Variants in GALNT18 observed in about 807,000 individuals in gnomAD.
GALNT18 encodes the protein polypeptide N-acetylgalactosaminyltransferase 18.
Under a neutral mutation model 69.5 loss-of-function variants are expected in GALNT18, and 44 were observed. The ratio of observed to expected loss-of-function variants is 0.63; its 90% CI spans 0.50 to 0.81. GALNT18 has a LOEUF of 0.81. GALNT18 is among the 40% of genes least tolerant of loss of function. The pLI, the probability that GALNT18 is intolerant of heterozygous loss-of-function variation, is 0.00. For synonymous variants in GALNT18, 364 were observed against 318.2 expected, an observed-to-expected ratio of 1.14 and a Z score of -1.53; for missense variants, 715 against 810.0, an observed-to-expected ratio of 0.88 and a Z score of 1.42.
At position 11,461,581 on chromosome 11, in the gene GALNT18, A is replaced by G. The variant is rs914334728; in HGVS notation, c.236-12645T>C. Among the ~76,000 whole-genome samples the G allele has an allele frequency of 6.6e-5, 10 of 152,168 alleles. No individual in the cohort carries two copies. Among genetic ancestry groups the G allele is most frequent in the Admixed American group, 2.6e-4 (4 of 15,272 alleles). On this transcript the variant is annotated intron_variant, in intron 1 of 10. Transcript: ENST00000227756. This position sits in a 1 kb window ranked among gnomAD's most constrained non-coding sequence, Gnocchi z 4.1. Reference sequence around the variant, plus strand: ...TCCCCCCCGCTCCCGCCCGCCACCGAGCTGACAGCCCGGAGCTGACACCCG... The same window carrying G: ...TCCCCCCCGCTCCCGCCCGCCACCGGGCTGACAGCCCGGAGCTGACACCCG...
intron 10 of GALNT18, among the ~76,000 whole-genome samples, chr11:11,272,415 G>A (rs907123427): frequency 2.0e-5 from 3 of 152,158 alleles, no homozygotes; most frequent in African/African-American, 4.8e-5. Flanking sequence ...AGAGGCAGGA[G>A]TAGTGATCTT....
At chr11:11,414,269 C>T (rs1854801165) in intron 3 of GALNT18, among the ~76,000 whole-genome samples, 1 of 152,206 alleles carries the variant, frequency 6.6e-6, no homozygotes, top group African/African-American at 2.4e-5. Flanking sequence ...TGCCCATTTG[C>T]ATACTTTTGT....
chr11:11,387,747 C>T lies in GALNT18; in HGVS notation c.596-8483G>A, dbSNP rs1227394470. Among the ~76,000 whole-genome samples the T allele has an allele frequency of 2.0e-5, 3 of 152,194 alleles. No individual in the cohort carries two copies. Among genetic ancestry groups the T allele is most frequent in the Admixed American group, 1.3e-4 (2 of 15,276 alleles). ...AAAATTAAATAAAGACAGATGTCAC[C>T]GTCCGCACCTCCATGGAGAATCTGG... On this transcript the variant is annotated intron_variant, in intron 3 of 10. Coordinates refer to ENST00000227756, the MANE Select transcript of GALNT18 (RefSeq NM_198516.3). The surrounding 1 kb of genome is among the most constrained non-coding windows in gnomAD (Gnocchi z 4.6).
At chr11:11,398,738 A>G (rs1373756605) in intron 3 of GALNT18, among the ~76,000 whole-genome samples, 1 of 152,220 alleles carries the variant, frequency 6.6e-6, no homozygotes, top group Non-Finnish European at 1.5e-5. Context: ...AGATGGACGC[A>G]TGGGATTTTA....
At chr11:11,570,968 G>A (rs1230036784) in intron 1 of GALNT18, among the ~76,000 whole-genome samples, 1 of 152,204 alleles carries the variant, frequency 6.6e-6, no homozygotes, top group African/African-American at 2.4e-5. Context: ...CATCCACTGA[G>A]TGTTTTTCAT....
At chr11:11,502,869 G>A (rs925109747) in intron 1 of GALNT18, among the ~76,000 whole-genome samples, 1 of 152,160 alleles carries the variant, frequency 6.6e-6, no homozygotes, top group African/African-American at 2.4e-5. Context: ...TCCGAATGAA[G>A]GGCACTTTCC....
chr11:11,285,367 A>C (rs1849173567), intron 10 of GALNT18, among the ~76,000 whole-genome samples: 1 of 152,100 alleles, frequency 6.6e-6, no homozygotes, highest in Non-Finnish European at 1.5e-5. Flanking sequence ...TATCATAGGG[A>C]TTAAGTAACA....
intron 1 of GALNT18, among the ~76,000 whole-genome samples, chr11:11,520,014 C>T (rs1463579900): frequency 1.3e-5 from 2 of 152,216 alleles, no homozygotes; most frequent in Non-Finnish European, 2.9e-5. Flanking sequence ...GGTCCAAGAG[C>T]TAGAGGCAGC....
At chr11:11,526,577 AC>A (rs1164808102) in intron 1 of GALNT18, among the ~76,000 whole-genome samples, 1 of 152,202 alleles carries the variant, frequency 6.6e-6, no homozygotes, top group African/African-American at 2.4e-5. Flanking sequence ...TATTGCAGTA[AC>A]AAAAACACCC....
chr11:11,397,504 C>T (rs1280378372), intron 3 of GALNT18, among the ~76,000 whole-genome samples: 2 of 152,186 alleles, frequency 1.3e-5, no homozygotes, highest in Non-Finnish European at 2.9e-5. Flanking sequence ...CACTCTGTTG[C>T]CTAAGCTGGA....
rs1262055278 is a variant in GALNT18, at chr11:11,600,638, A to G, written c.235+20721T>C. Among the ~76,000 whole-genome samples, 1 of 152,090 alleles carries G rather than the reference A, an allele frequency of 6.6e-6. No individual in the cohort carries two copies. The highest frequency in any genetic ancestry group is 6.6e-5 in the Admixed American group (1 of 15,266). On this transcript the variant is annotated intron_variant, in intron 1 of 10. Coordinates refer to ENST00000227756, the MANE Select transcript of GALNT18 (RefSeq NM_198516.3). The surrounding 1 kb of genome is among the most constrained non-coding windows in gnomAD (Gnocchi z 4.8). ...CTGGATGTGGCTTTGTTTTTATCCTATATGAACCTTGTTGAGCTTCTTGGA... is the reference window on the plus strand; with the variant it reads ...CTGGATGTGGCTTTGTTTTTATCCTGTATGAACCTTGTTGAGCTTCTTGGA...
chr11:11,401,109 G>C (rs1361295169), intron 3 of GALNT18, among the ~76,000 whole-genome samples: 1 of 152,120 alleles, frequency 6.6e-6, no homozygotes, highest in Non-Finnish European at 1.5e-5. Flanking sequence ...CACCAGGCTA[G>C]AGTCTCTCAA....
intron 1 of GALNT18, among the ~76,000 whole-genome samples, chr11:11,527,251 C>A (rs1857544873): frequency 6.6e-6 from 1 of 152,192 alleles, no homozygotes; most frequent in Admixed American, 6.5e-5. Flanking sequence ...CTTTTCTCTG[C>A]ATGAAGAAAA....
intron 1 of GALNT18, among the ~76,000 whole-genome samples, chr11:11,471,298 G>A (rs930292820): frequency 5.3e-5 from 8 of 152,146 alleles, no homozygotes; most frequent in Non-Finnish European, 4.4e-5. Flanking sequence ...GAGAAGTTTG[G>A]TAAATAAATG....
At chr11:11,369,114 T>C (rs1850838175) in intron 6 of GALNT18, among the ~76,000 whole-genome samples, 1 of 152,242 alleles carries the variant, frequency 6.6e-6, no homozygotes, top group Non-Finnish European at 1.5e-5. Flanking sequence ...CACCAGATTC[T>C]CCATGTAGAA....
chr11:11,369,346 C>G lies in GALNT18; in HGVS notation c.1092+3169G>C, dbSNP rs1589944552. On this transcript the variant is annotated intron_variant, in intron 6 of 10. Coordinates refer to ENST00000227756, the MANE Select transcript of GALNT18 (RefSeq NM_198516.3). Reference sequence around the variant, plus strand: ...AAGGATCCTTCTTTGCCTGTTCCAGCTTTCGATAGCCCCAGGTGTTCCTGA... The same window carrying G: ...AAGGATCCTTCTTTGCCTGTTCCAGGTTTCGATAGCCCCAGGTGTTCCTGA... Among the ~76,000 whole-genome samples, 7 of 152,324 alleles carry G rather than the reference C, an allele frequency of 4.6e-5. No homozygotes were observed. In the South Asian group the frequency reaches 1.5e-3, roughly 32 times the overall value.
intron 3 of GALNT18, among the ~76,000 whole-genome samples, chr11:11,381,381 A>G (rs1853914856): frequency 6.6e-6 from 1 of 152,100 alleles, no homozygotes; most frequent in Non-Finnish European, 1.5e-5. Context: ...TCTCTTCCCC[A>G]TGAAAGGGAT....
chr11:11,512,944 G>A (rs557293797), intron 1 of GALNT18, among the ~76,000 whole-genome samples: 5 of 152,320 alleles, frequency 3.3e-5, no homozygotes, highest in South Asian at 4.2e-4. Context: ...GTACCTGTGC[G>A]TGTGCATCTG....
At chr11:11,358,774 A>G (rs1850582626) in intron 6 of GALNT18, among the ~76,000 whole-genome samples, 1 of 136,324 alleles carries the variant, frequency 7.3e-6, no homozygotes, top group Admixed American at 7.3e-5. Flanking sequence ...ATTCCAATTC[A>G]TGACACAATG....
Sources: allele counts gnomAD v4.1 joint callset (sites outside exome capture counted in the v4.1 genomes callset), GRCh38; gene constraint gnomAD v4.1.1; non-coding constraint Gnocchi (gnomAD v3.1); transcripts MANE v1.5; gene names NCBI Gene and HGNC (gene_info 2026-07-23, HGNC 2026-07-21).